Variants in USP31 observed in about 807,000 individuals in gnomAD.
USP31 encodes ubiquitin specific peptidase 31, also known as ubiquitin carboxyl-terminal hydrolase 31.
A neutral mutation model predicts 119.4 loss-of-function variants in USP31; 44 were observed. The observed-to-expected ratio is 0.37, with a 90% CI of 0.29 to 0.47. The LOEUF (loss-of-function observed/expected upper bound fraction) is 0.47. USP31 is among the 20% of genes least tolerant of loss of function. The pLI, the probability that USP31 is intolerant of heterozygous loss-of-function variation, is 0.99. For missense variants in USP31, 1,643 were observed against 1,730.2 expected, an observed-to-expected ratio of 0.95 and a Z score of 0.89; for synonymous variants, 749 against 705.6, an observed-to-expected ratio of 1.06 and a Z score of -0.97.
At position 23,087,819 on chromosome 16, in the gene USP31, C is replaced by T. The variant is rs1389405646; in HGVS notation, c.1432G>A (p.Val478Met). 1 of 1,613,766 alleles carries T rather than the reference C, an allele frequency of 6.2e-7. No individual in the cohort carries two copies. The highest frequency in any genetic ancestry group is 1.1e-5 in the South Asian group (1 of 91,084). Residue 478 changes from valine to methionine, a missense_variant, in exon 8 of 16, where the codon GTG (valine) becomes ATG (methionine). Val to Met is a conservative substitution (Grantham distance 21). This residue lies in a region of USP31 where 219 missense variants were observed against 226.4 expected (regional missense o/e 0.97). Transcript: ENST00000219689. ...QQGKRFGLPFVLHLEKTIAWD... is the reference protein window; with the variant it reads ...QQGKRFGLPFMLHLEKTIAWD... ...GCTATTGTCTTCTCTAAGTGCAGCA[C>T]AAAAGGCAGTCCAAATCTAACACAC...
At position 23,069,053 on chromosome 16, in the gene USP31, T is replaced by C; in HGVS notation, c.3052A>G (p.Lys1018Glu). Residue 1018 changes from lysine to glutamate, a missense_variant, in exon 16 of 16, where the codon AAA becomes GAA. Coordinates refer to ENST00000219689, the MANE Select transcript of USP31 (RefSeq NM_020718.4). The stretch of plus-strand genomic sequence containing the variant: ...GATCTCTTAGTTGTGCTCTCTGGTT[T>C]CTTTGCGAGTGAGCCTGGGTGGCTG... Reference protein sequence around the residue: ...APSHPGSLAKKPESTTKRSPS... With the variant: ...APSHPGSLAKEPESTTKRSPS... 6.2e-7 allele frequency: 1 copy of C among 1,612,922 alleles called. No individual in the cohort carries two copies. Among genetic ancestry groups the C allele is most frequent in the Non-Finnish European group, 8.5e-7 (1 of 1,180,028 alleles).
chr16:23,073,830 C>T lies in USP31; in HGVS notation c.2227G>A (p.Asp743Asn), dbSNP rs140162474. ...TCATCTTCTGACAGCTGCTGCACAT[C>T]GCTGTCATCGAAGCAGTACCAGAGG... ...DGLWYCFDDS[D>N]VQQLSEDEVC... Residue 743 changes from aspartate (D) to asparagine (N), a missense_variant, in exon 14 of 16, where the codon GAT (aspartate) becomes AAT (asparagine). This residue lies in a region of USP31 where 279 missense variants were observed against 372.2 expected (regional missense o/e 0.75). Coordinates refer to ENST00000219689, the MANE Select transcript of USP31 (RefSeq NM_020718.4). 2.4e-5 allele frequency: 38 copies of T among 1,614,014 alleles called. No homozygotes were observed. The highest frequency in any genetic ancestry group is 3.1e-5 in the Non-Finnish European group (36 of 1,180,036).
intron 1 of USP31, among the ~76,000 whole-genome samples, chr16:23,122,573 GAATA>G (rs1235132081): frequency 6.6e-6 from 1 of 152,154 alleles, no homozygotes; most frequent in Non-Finnish European, 1.5e-5. Context: ...ATCAGCAGAT[GAATA>G]AACAAAATGT....
intron 1 of USP31, among the ~76,000 whole-genome samples, chr16:23,119,058 C>T (rs926585495): frequency 1.3e-5 from 2 of 151,652 alleles, no homozygotes; most frequent in African/African-American, 2.4e-5. Flanking sequence ...AAAACTTAGC[C>T]TCAGAGAAAG....
chr16:23,108,853 T>C (rs1168879852), intron 1 of USP31, among the ~76,000 whole-genome samples: 2 of 152,240 alleles, frequency 1.3e-5, no homozygotes, highest in Admixed American at 6.5e-5. Context: ...TTGATTTACA[T>C]TGCTTTTGCT....
Position 23,090,680 on chromosome 16 carries a change from G to T in USP31, c.1359C>A (p.Ser453Arg), listed in dbSNP as rs1406198248. 1 of 1,613,916 alleles carries T rather than the reference G, an allele frequency of 6.2e-7. No individual in the cohort carries two copies. The highest frequency in any genetic ancestry group is 8.5e-7 in the Non-Finnish European group (1 of 1,179,918). The change falls in exon 7 of 16, where the codon AGC becomes AGA. Residue 453 changes from serine to arginine, a missense_variant. This residue lies in a region of USP31 where 219 missense variants were observed against 226.4 expected (regional missense o/e 0.97). Transcript: ENST00000219689. ...KMDSPTSRAG[S>R]DKIVLLVCNR... ...TACACACCAACAGGACAATCTTGTC[G>T]CTGCCTGCTCTTGATGTGGGAGAAT...
At chr16:23,084,787 T>C in intron 11 of USP31, 73 bp downstream of exon 11, 1 of 1,579,898 alleles carries the variant, frequency 6.3e-7, no homozygotes. Context: ...GTGATTTGTT[T>C]CTCCACTATC....
chr16:23,138,637 T>C (rs1305556006), intron 1 of USP31, among the ~76,000 whole-genome samples: 1 of 152,194 alleles, frequency 6.6e-6, no homozygotes, highest in Non-Finnish European at 1.5e-5. Flanking sequence ...CCTCCCATTC[T>C]ACCTTGTACC....
chr16:23,140,168 G>A (rs1158443128), intron 1 of USP31, among the ~76,000 whole-genome samples: 1 of 152,132 alleles, frequency 6.6e-6, no homozygotes, highest in Non-Finnish European at 1.5e-5. Context: ...ACTACTGATT[G>A]CAGCCTCAAG....
intron 6 of USP31, 144 bp downstream of exon 6, chr16:23,102,175 C>T (rs968589518): frequency 1.6e-5 from 15 of 910,196 alleles, no homozygotes; most frequent in East Asian, 9.1e-5. Flanking sequence ...AGATTTTTAC[C>T]ATTATACCAT....
At chr16:23,104,634 C>T (rs1272247924) in intron 5 of USP31, among the ~76,000 whole-genome samples, 1 of 152,186 alleles carries the variant, frequency 6.6e-6, no homozygotes, top group Non-Finnish European at 1.5e-5. Context: ...TGGTAACTTC[C>T]CAAATGAGGC....
intron 11 of USP31, 150 bp downstream of exon 11, chr16:23,084,710 A>G: frequency 2.1e-6 from 2 of 944,028 alleles, no homozygotes. Flanking sequence ...TAAAAGCAAG[A>G]GCATTAAGAT....
chr16:23,079,943 G>A lies in USP31; in HGVS notation c.2176+3C>T, dbSNP rs546701020. ...CAGACACGCAGCCTCTCACACTGCA[G>A]ACCTGTGTAGTGCCCCCCTTGCATG... On this transcript the variant is annotated splice_donor_region_variant and intron_variant, in intron 13 of 15. Coordinates refer to ENST00000219689, the MANE Select transcript of USP31 (RefSeq NM_020718.4). The A allele has an allele frequency of 1.2e-5, 19 of 1,605,566 alleles. No homozygotes were observed. The South Asian group carries it at 2.1e-4, about 18-fold the overall frequency.
intron 6 of USP31, among the ~76,000 whole-genome samples, chr16:23,095,781 C>T (rs2141859590): frequency 6.6e-6 from 1 of 152,260 alleles, no homozygotes; most frequent in South Asian, 2.1e-4. Flanking sequence ...AAATCCTTTA[C>T]AGACAAGCAA....
chr16:23,076,712 C>A (rs991760214), intron 13 of USP31, among the ~76,000 whole-genome samples: 1 of 152,334 alleles, frequency 6.6e-6, no homozygotes, highest in African/African-American at 2.4e-5. Context: ...TTCTTCCCAA[C>A]AATTTCTTCC....
At chr16:23,136,572 T>C (rs933882418) in intron 1 of USP31, among the ~76,000 whole-genome samples, 1 of 151,512 alleles carries the variant, frequency 6.6e-6, no homozygotes, top group African/African-American at 2.4e-5. Flanking sequence ...GAAAATTGCT[T>C]GAGCCCAGGA....
chr16:23,140,341 T>TG (rs1903318074), intron 1 of USP31, among the ~76,000 whole-genome samples: 1 of 152,142 alleles, frequency 6.6e-6, no homozygotes, highest in African/African-American at 2.4e-5. Flanking sequence ...TGTCATGACT[T>TG]GGAGTAGGGG....
chr16:23,134,223 C>T (rs1184516923), intron 1 of USP31, among the ~76,000 whole-genome samples: 1 of 152,022 alleles, frequency 6.6e-6, no homozygotes, highest in Non-Finnish European at 1.5e-5. Context: ...AACAATAACA[C>T]TAAACAGCAC....
At chr16:23,087,032 A>C (rs1482014732) in intron 9 of USP31, 60 bp downstream of exon 9, 15 of 1,305,198 alleles carry the variant, frequency 1.1e-5, no homozygotes, top group Non-Finnish European at 1.5e-5. Context: ...ACATCACTTG[A>C]AATCACACAT....
Sources: gnomAD v4.1 joint callset for allele counts (sites outside exome capture counted in the v4.1 genomes callset) on GRCh38, gnomAD v4.1.1 for gene constraint, gnomAD v4.1.1 regional missense constraint, MANE v1.5 for transcripts, NCBI Gene and HGNC (gene_info 2026-07-23, HGNC 2026-07-21) for gene names.